The following GDPD2 variants were observed in gnomAD, a reference collection of about 807,000 sequenced individuals.
GDPD2 encodes glycerophosphodiester phosphodiesterase 3.
Under a neutral mutation model 49.2 loss-of-function variants are expected in GDPD2, and 23 were observed. That is an observed-to-expected ratio of 0.47 (90% CI 0.34 to 0.66). The LOEUF is 0.66. Among genes scored for constraint, GDPD2 ranks in the 30% least tolerant of loss-of-function variants. The pLI, the probability that GDPD2 is intolerant of heterozygous loss-of-function variation, is 0.01. For synonymous variants in GDPD2, 167 were observed against 171.4 expected, an observed-to-expected ratio of 0.97 and a Z score of 0.20; for missense variants, 338 against 424.7, an observed-to-expected ratio of 0.80 and a Z score of 1.79.
At chrX:70,432,708 G>A (rs2086489168) in intron 14 of GDPD2, 47 bp downstream of exon 14, 1 of 971,989 alleles carries the variant, frequency 1.0e-6, no homozygotes, top group Non-Finnish European at 1.5e-6. Context: ...TTTCTCCAGG[G>A]CCCTGGTGAT....
chrX:70,432,163 G>T (rs1468760759), intron 12 of GDPD2, 144 bp from the exon 13 acceptor site: 9 of 495,076 alleles, frequency 1.8e-5, no homozygotes, highest in Non-Finnish European at 2.8e-5. Context: ...GAAAATCATT[G>T]TTGGTCAGGG....
At chrX:70,424,829 T>G in intron 1 of GDPD2, 147 bp from the exon 2 acceptor site, 1 of 422,772 alleles carries the variant, frequency 2.4e-6, no homozygotes, top group Non-Finnish European at 4.1e-6. Context: ...TCATCCACTC[T>G]GGCACTCTGG....
intron 10 of GDPD2, among the ~76,000 whole-genome samples, 159 bp from the exon 11 acceptor site, chrX:70,429,334 G>A (rs2086453761): frequency 9.0e-6 from 1 of 111,059 alleles, no homozygotes; most frequent in African/African-American, 3.3e-5. Flanking sequence ...AGAGTAAGAT[G>A]GTAGACGGTC....
At chrX:70,429,892 C>A (rs1230232592) in intron 11 of GDPD2, 23 bp from the exon 12 acceptor site, 1 of 1,209,967 alleles carries the variant, frequency 8.3e-7, no homozygotes, top group South Asian at 1.8e-5. Flanking sequence ...CCCAGCTTCA[C>A]ACCCATCCTT....
Position 70,433,174 on chromosome X carries a change from G to T in GDPD2, c.*88G>T. 1 of 747,428 alleles carries T rather than the reference G, an allele frequency of 1.3e-6. No homozygotes were observed. Among genetic ancestry groups the T allele is most frequent in the Non-Finnish European group, 2.0e-6 (1 of 491,726 alleles). The allele number at this position is 747,428 out of a possible 1,213,427, so 61.6% of individuals were successfully genotyped here. A position where few individuals can be genotyped will look rare whatever the true frequency, so the allele number is the denominator to read the frequency against. The stretch of plus-strand genomic sequence containing the variant: ...GTGGCTTAAGTGGAATGCTTCAGGG[G>T]TGGTGGGTTGCAAGTGGGGGGAGCT... On this transcript the variant is annotated 3_prime_UTR_variant, in exon 16 of 16. Coordinates refer to ENST00000374382, the MANE Select transcript of GDPD2 (RefSeq NM_017711.4).
In GDPD2 at chrX:70,426,589, A is replaced by G. The variant is rs2086426560; in HGVS notation, c.463-59A>G. On this transcript the variant is annotated intron_variant, in intron 6 of 15. Transcript: ENST00000374382. ...CTCTGAACTCCAGCAGTCAGGCCCT[A>G]AGAGGAAAGCGGGGAGGGGCACTGG... 4.7e-6 allele frequency: 5 copies of G among 1,054,610 alleles called. No homozygotes were observed. In the Admixed American group the frequency reaches 1.2e-4, roughly 25 times the overall value. 86.9% of individuals were successfully genotyped at this position (1,054,610 alleles called of 1,213,427 possible). A position where few individuals can be genotyped will look rare whatever the true frequency, so the allele number is the denominator to read the frequency against.
Position 70,429,990 on chromosome X carries a change from C to A in GDPD2, c.1234C>A (p.Gln412Lys), listed in dbSNP as rs1350059002. 1 of 1,209,552 alleles carries A rather than the reference C, an allele frequency of 8.3e-7. No individual in the cohort carries two copies. Among genetic ancestry groups the A allele is most frequent in the Admixed American group, 2.2e-5 (1 of 46,063 alleles). The change falls in exon 12 of 16, where the codon CAG (glutamine) becomes AAG (lysine). Residue 412 changes from glutamine (Q) to lysine (K), a missense_variant. By Grantham distance (53) the Gln-to-Lys change is moderately conservative. Coordinates refer to ENST00000374382, the MANE Select transcript of GDPD2 (RefSeq NM_017711.4). ...APGMRQIYGR[Q>K]GGNRTERPQF... ...TGGAATGCGCCAGATATATGGACGT[C>A]AGGGAGGCAACAGAACGGAGAGGCC...
chrX:70,430,950 C>CT, intron 12 of GDPD2: 8 of 427,148 alleles, frequency 1.9e-5, no homozygotes, highest in Non-Finnish European at 2.8e-5. Context: ...CTATGCAAGG[C>CT]TATTTTTTTT....
At chrX:70,429,128 A>T (rs1035019306) in intron 10 of GDPD2, among the ~76,000 whole-genome samples, 17 of 111,673 alleles carry the variant, frequency 1.5e-4, no homozygotes, top group Non-Finnish European at 2.8e-4. Context: ...ACAGAAAGGG[A>T]GCTGAGAGTG....
chrX:70,426,456 G>A lies in GDPD2; in HGVS notation c.449G>A (p.Arg150His), dbSNP rs147569276. ...TGGCAGCAGGAGTGGCATAGCTTGCGTGTGTCACTGCAGGTGAGTGGCCAA... is the reference window on the plus strand; with the variant it reads ...TGGCAGCAGGAGTGGCATAGCTTGCATGTGTCACTGCAGGTGAGTGGCCAA... ...IQWQQEWHSL[R>H]VSLQATAPFL... The change falls in exon 6 of 16, where the codon CGT becomes CAT. Residue 150 changes from arginine to histidine, a missense_variant. Arg to His is a conservative substitution (Grantham distance 29, BLOSUM62 0). Coordinates refer to ENST00000374382, the MANE Select transcript of GDPD2 (RefSeq NM_017711.4). 4.8e-4 allele frequency: 582 copies of A among 1,205,147 alleles called. 1 individual carries two copies. Among genetic ancestry groups the A allele is most frequent in the African/African-American group, 4.6e-3 (266 of 57,363 alleles).
intron 1 of GDPD2, 79 bp from the exon 2 acceptor site, chrX:70,424,897 G>A: frequency 1.6e-6 from 1 of 620,860 alleles, no homozygotes; most frequent in East Asian, 3.6e-5. Flanking sequence ...TCTCCCCCGG[G>A]CTCCTCAGAT....
rs745890557 is a variant in GDPD2, at chrX:70,426,342, A to C, written c.364-29A>C. 126 of 1,174,048 alleles carry C rather than the reference A, an allele frequency of 1.1e-4. No individual in the cohort carries two copies. In the South Asian group the frequency reaches 2.0e-3, roughly 19 times the overall value. On this transcript the variant is annotated intron_variant, in intron 5 of 15. Transcript: ENST00000374382. The stretch of plus-strand genomic sequence containing the variant: ...ACCAACCATGAGCCCAAATTGACCA[A>C]GAGGCCTCATTCATCCCTGGCCCCC...
chrX:70,430,487 T>C (rs1201937926), intron 12 of GDPD2, among the ~76,000 whole-genome samples: 3 of 111,297 alleles, frequency 2.7e-5, no homozygotes, highest in African/African-American at 6.5e-5. Context: ...AACTATGAGC[T>C]GCAGAACAGG....
chrX:70,423,866 T>C (rs1356166016), intron 1 of GDPD2, among the ~76,000 whole-genome samples: 2 of 111,394 alleles, frequency 1.8e-5, no homozygotes, highest in African/African-American at 3.3e-5. Context: ...GGGAGAGCTC[T>C]GAGGACAAGA....
intron 3 of GDPD2, 41 bp from the exon 4 acceptor site, chrX:70,425,722 C>A (rs1402667210): frequency 2.6e-6 from 2 of 772,857 alleles, no homozygotes; most frequent in South Asian, 2.1e-5. Flanking sequence ...ACTATTGACA[C>A]CCCTTCCCCC....
At position 70,429,518 on chromosome X, in the gene GDPD2, C is replaced by A; in HGVS notation, c.962C>A (p.Pro321Gln). 1 of 1,205,441 alleles carries A rather than the reference C, an allele frequency of 8.3e-7. No homozygotes were observed. Among genetic ancestry groups the A allele is most frequent in the Non-Finnish European group, 1.1e-6 (1 of 890,177 alleles). ...LERRPFWGAK[P>Q]LAGPDQKEAE... ...AGGCGACCCTTCTGGGGGGCCAAAC[C>A]GCTGGCAGGCCCTGATCAGAAAGAG... Residue 321 changes from proline to glutamine, a missense_variant, in exon 11 of 16, where the codon CCG (proline) becomes CAG (glutamine). Physicochemically the swap from Pro to Gln is moderately conservative, Grantham distance 76. Around this residue, in one of 3 missense-constraint regions of GDPD2, gnomAD observed 253 missense variants for 330.4 expected, o/e 0.77. Transcript: ENST00000374382.
At chrX:70,425,293 G>T (rs189707914) in intron 2 of GDPD2, 61 bp from the exon 3 acceptor site, 3 of 841,141 alleles carry the variant, frequency 3.6e-6, no homozygotes, top group Non-Finnish European at 5.4e-6. Flanking sequence ...GCTGCCACCC[G>T]TTGGGGACTC....
intron 12 of GDPD2, among the ~76,000 whole-genome samples, chrX:70,431,817 G>A (rs2086479629): frequency 9.0e-6 from 1 of 111,448 alleles, no homozygotes; most frequent in Admixed American, 9.4e-5. Context: ...GCTGCAGTGA[G>A]CCAAGACTGC....
At chrX:70,426,289 C>T in intron 5 of GDPD2, 82 bp from the exon 6 acceptor site, 2 of 878,511 alleles carry the variant, frequency 2.3e-6, no homozygotes, top group South Asian at 4.3e-5. Flanking sequence ...GGGTCGGGTC[C>T]CATCTCTATA....
Sources: gnomAD v4.1 joint callset for allele counts (sites outside exome capture counted in the v4.1 genomes callset) on GRCh38, gnomAD v4.1.1 for gene constraint, gnomAD v4.1.1 regional missense constraint, MANE v1.5 for transcripts, NCBI Gene and HGNC (gene_info 2026-07-23, HGNC 2026-07-21) for gene names.